Variants in SLC16A7 observed in about 807,000 individuals in gnomAD.
The protein encoded by SLC16A7 is monocarboxylate transporter 2.
In SLC16A7, 33 loss-of-function variants were observed where a neutral mutation model predicts 34.9. That is an observed-to-expected ratio of 0.94 (90% confidence interval 0.72 to 1.26). The LOEUF (loss-of-function observed/expected upper bound fraction) is 1.26, where lower values mean the gene tolerates loss of function less well. SLC16A7 is among the 50% of genes most tolerant of loss of function. The probability of loss-of-function intolerance (pLI) is 0.00; values close to 1 mark genes in which losing one functional copy is unlikely to be tolerated. For missense variants in SLC16A7, 573 were observed against 578.1 expected (o/e 0.99, Z 0.09); for synonymous variants, 201 against 206.6 (o/e 0.97, Z 0.23).
At chr12:59,686,615 T>C (rs1262150401) in intron 2 of SLC16A7, among the ~76,000 whole-genome samples, 1 of 152,106 alleles carries the variant, frequency 6.6e-6, no homozygotes, top group African/African-American at 2.4e-5. Flanking sequence ...GATCATTTAG[T>C]TCCAGTTAAT....
At chr12:59,647,618 G>GA (rs74992947) in intron 1 of SLC16A7, among the ~76,000 whole-genome samples, 34,439 of 152,042 alleles carry the variant, frequency 0.23, 4,641 homozygotes, top group East Asian at 0.66. Context: ...TTGGTGACCA[G>GA]AAGGGGCCCA....
At chr12:59,761,081 T>A in intron 3 of SLC16A7, 1 of 822,938 alleles carries the variant, frequency 1.2e-6, no homozygotes, top group Non-Finnish European at 1.8e-6. Flanking sequence ...GACAATATGA[T>A]ATTTAATTGA....
At chr12:59,745,439 A>C (rs1438136425) in intron 3 of SLC16A7, among the ~76,000 whole-genome samples, 1 of 152,206 alleles carries the variant, frequency 6.6e-6, no homozygotes, top group Non-Finnish European at 1.5e-5. Flanking sequence ...TAATTGCCCT[A>C]TGAATTGATA....
At chr12:59,620,134 G>T (rs565710580) in intron 1 of SLC16A7, among the ~76,000 whole-genome samples, 147 of 149,206 alleles carry the variant, frequency 9.9e-4, no homozygotes, top group African/African-American at 3.2e-3. Flanking sequence ...ATACTGTGTG[G>T]TTTTTTTTTT....
chr12:59,749,233 G>A (rs1879231145), intron 3 of SLC16A7, among the ~76,000 whole-genome samples: 1 of 152,184 alleles, frequency 6.6e-6, no homozygotes, highest in African/African-American at 2.4e-5. Context: ...TATCTACAAA[G>A]GCGATAACTC....
At chr12:59,730,309 G>C (rs576028497) in intron 3 of SLC16A7, among the ~76,000 whole-genome samples, 1 of 149,612 alleles carries the variant, frequency 6.7e-6, no homozygotes, top group Non-Finnish European at 1.5e-5. Context: ...CACATGGATA[G>C]TCTTATGTCC....
chr12:59,754,634 G>C (rs1267092176), intron 3 of SLC16A7, among the ~76,000 whole-genome samples: 1 of 151,978 alleles, frequency 6.6e-6, no homozygotes, highest in African/African-American at 2.4e-5. Flanking sequence ...CAACCAAAAA[G>C]AGTCCAGGAC....
rs190154399 is a variant in SLC16A7 at position 59,698,678 on chromosome 12, A to T, written c.-30-6094A>T. ...TCTTCTGTTGATATTTTCTGGTAAG[A>T]TGAAGAACATCAGTGTCAAAATTTA... On this transcript the variant is annotated intron_variant, in intron 2 of 5. Coordinates refer to ENST00000547379, the MANE Select transcript of SLC16A7 (RefSeq NM_001270623.2). 1.3e-4 allele frequency among the ~76,000 whole-genome samples: 19 copies of T among 151,886 alleles called. No homozygotes were observed. The East Asian group carries it at 3.7e-3, about 29-fold the overall frequency.
intron 2 of SLC16A7, among the ~76,000 whole-genome samples, chr12:59,658,746 CA>C (rs1198664606): frequency 5.9e-5 from 9 of 151,980 alleles, no homozygotes; most frequent in Admixed American, 1.3e-4. Flanking sequence ...TAAATGCTAA[CA>C]ATCAAATAAT....
At chr12:59,751,787 T>C (rs548446047) in intron 3 of SLC16A7, among the ~76,000 whole-genome samples, 54 of 152,288 alleles carry the variant, frequency 3.5e-4, no homozygotes, top group African/African-American at 1.3e-3. Flanking sequence ...GATCTGAGAT[T>C]GGGCAGACTG....
intron 3 of SLC16A7, among the ~76,000 whole-genome samples, chr12:59,726,379 A>T (rs992123394): frequency 6.6e-5 from 10 of 152,138 alleles, no homozygotes; most frequent in African/African-American, 2.4e-4. Flanking sequence ...ATTAGTGGAA[A>T]TATTAAGTGT....
intron 2 of SLC16A7, among the ~76,000 whole-genome samples, chr12:59,670,679 G>A (rs971900660): frequency 6.6e-6 from 1 of 152,188 alleles, no homozygotes; most frequent in African/African-American, 2.4e-5. Flanking sequence ...CCAAAAAGGA[G>A]AAATTGGAAG....
At chr12:59,649,028 A>T (rs933279950) in intron 1 of SLC16A7, among the ~76,000 whole-genome samples, 1 of 152,206 alleles carries the variant, frequency 6.6e-6, no homozygotes, top group Non-Finnish European at 1.5e-5. Flanking sequence ...AGTGAAAAAG[A>T]AGAATTTTTT....
chr12:59,692,432 G>T (rs1384305593), intron 2 of SLC16A7, among the ~76,000 whole-genome samples: 1 of 151,906 alleles, frequency 6.6e-6, no homozygotes, highest in African/African-American at 2.4e-5. Flanking sequence ...AGTATATCTT[G>T]TCCGAAATGC....
intron 2 of SLC16A7, among the ~76,000 whole-genome samples, chr12:59,671,137 C>A (rs1359487521): frequency 1.3e-5 from 2 of 152,092 alleles, no homozygotes; most frequent in Non-Finnish European, 2.9e-5. Flanking sequence ...CTTTATTCTT[C>A]TCTTATGGTT....
chr12:59,654,535 G>C (rs865915275), intron 1 of SLC16A7, among the ~76,000 whole-genome samples: 5 of 151,652 alleles, frequency 3.3e-5, no homozygotes, highest in Admixed American at 1.3e-4. Context: ...ATTAAACATT[G>C]GTTATATTTT....
chr12:59,670,603 A>G (rs1869599834), intron 2 of SLC16A7, among the ~76,000 whole-genome samples: 1 of 152,222 alleles, frequency 6.6e-6, no homozygotes, highest in Non-Finnish European at 1.5e-5. Flanking sequence ...TCTGTGAAAC[A>G]TAGAAAATAG....
intron 2 of SLC16A7, among the ~76,000 whole-genome samples, chr12:59,678,711 G>T (rs1870507427): frequency 6.6e-6 from 1 of 152,058 alleles, no homozygotes; most frequent in South Asian, 2.1e-4. Context: ...TGGCAGCCTG[G>T]CCCCCAAGCT....
chr12:59,606,985 C>T (rs932807565), intron 1 of SLC16A7, among the ~76,000 whole-genome samples: 3 of 151,956 alleles, frequency 2.0e-5, no homozygotes, highest in Non-Finnish European at 4.4e-5. Context: ...AAAGTATAGC[C>T]CCTTGGGCCA....
Sources: allele counts gnomAD v4.1 joint callset (sites outside exome capture counted in the v4.1 genomes callset), GRCh38; gene constraint gnomAD v4.1.1; transcripts MANE v1.5; gene names NCBI Gene and HGNC (gene_info 2026-07-23, HGNC 2026-07-21).